DLG2: variants seen among roughly 807,000 people sequenced by gnomAD.
DLG2 encodes the protein discs large MAGUK scaffold protein 2.
In DLG2, 45 loss-of-function variants were observed where a neutral mutation model predicts 132.5. The ratio of observed to expected loss-of-function variants is 0.34; its 90% CI spans 0.27 to 0.44. The LOEUF is 0.44. Ranked by LOEUF, DLG2 falls within the 20% of genes least tolerant of loss-of-function variation. DLG2 has a pLI of 1.00. For missense variants in DLG2, 1,045 were observed against 1,196.9 expected (o/e 0.87, Z 1.87); for synonymous variants, 424 against 419.6 (o/e 1.01, Z -0.13).
At chr11:83,927,897 A>T (rs1280106307) in intron 15 of DLG2, among the ~76,000 whole-genome samples, 1 of 148,690 alleles carries the variant, frequency 6.7e-6, no homozygotes, top group African/African-American at 2.6e-5. Context: ...TGAATGGCAG[A>T]TATGAGGGAA....
intron 6 of DLG2, among the ~76,000 whole-genome samples, chr11:84,844,125 G>GTATATATATATATATA (rs2081130035): frequency 2.9e-5 from 1 of 34,434 alleles, no homozygotes; most frequent in African/African-American, 9.8e-5. Context: ...GTGTGTGTGT[G>GTATATATATATATATA]TGTGTGTGTG....
rs191923410 is a variant in DLG2, at chr11:84,231,194, C to T, written c.573+20044G>A. On this transcript the variant is annotated intron_variant, in intron 8 of 27. Coordinates refer to ENST00000376104, the MANE Select transcript of DLG2 (RefSeq NM_001142699.3). The stretch of plus-strand genomic sequence containing the variant: ...TCCTGAAATGTAATATAATGGTTGG[C>T]GCTACAGCAGCTATTTGAACCATTA... Among the ~76,000 whole-genome samples the T allele has an allele frequency of 9.2e-5, 14 of 152,206 alleles. No individual in the cohort carries two copies. The East Asian group carries it at 1.4e-3, about 15-fold the overall frequency.
chr11:84,275,859 G>A (rs187173274), intron 7 of DLG2, among the ~76,000 whole-genome samples: 133 of 152,230 alleles, frequency 8.7e-4, no homozygotes, highest in Admixed American at 1.4e-3. Flanking sequence ...TGGACATTAG[G>A]GCAGGCTCAT....
intron 6 of DLG2, among the ~76,000 whole-genome samples, chr11:84,715,550 A>G (rs1365070064): frequency 6.6e-6 from 1 of 152,014 alleles, no homozygotes; most frequent in African/African-American, 2.4e-5. Flanking sequence ...CCAATCTCCC[A>G]TAACCACCAT....
At chr11:85,017,905 T>C (rs896393242) in intron 6 of DLG2, among the ~76,000 whole-genome samples, 2 of 152,070 alleles carry the variant, frequency 1.3e-5, no homozygotes, top group East Asian at 1.9e-4. Context: ...TGCAAGGCTT[T>C]CTCAGTTATC....
At chr11:83,894,441 G>C (rs933072422) in intron 15 of DLG2, among the ~76,000 whole-genome samples, 2 of 151,976 alleles carry the variant, frequency 1.3e-5, no homozygotes, top group African/African-American at 4.8e-5. Context: ...AAACAAAAAA[G>C]GAAACAAAAA....
intron 6 of DLG2, among the ~76,000 whole-genome samples, chr11:85,088,644 T>A (rs988020866): frequency 1.3e-5 from 2 of 152,218 alleles, no homozygotes; most frequent in Middle Eastern, 3.2e-3. Flanking sequence ...TACTTCTGTA[T>A]TTTATTATAT....
At chr11:85,324,215 A>C (rs2081280775) in intron 3 of DLG2, among the ~76,000 whole-genome samples, 3 of 152,160 alleles carry the variant, frequency 2.0e-5, no homozygotes, top group Non-Finnish European at 4.4e-5. Flanking sequence ...AGTTCACCAG[A>C]ATTCCTGTCT....
intron 6 of DLG2, among the ~76,000 whole-genome samples, chr11:84,744,528 G>A (rs958493280): frequency 2.0e-5 from 3 of 152,126 alleles, no homozygotes; most frequent in African/African-American, 2.4e-5. Flanking sequence ...GGAATTTACC[G>A]TTCTGTGTCC....
chr11:83,740,529 A>G (rs2092419977), intron 18 of DLG2, among the ~76,000 whole-genome samples: 1 of 152,190 alleles, frequency 6.6e-6, no homozygotes, highest in East Asian at 1.9e-4. Context: ...GAGAAGTACA[A>G]AGAAGCATTG....
chr11:84,372,669 A>T (rs2098711152), intron 7 of DLG2, among the ~76,000 whole-genome samples: 2 of 152,180 alleles, frequency 1.3e-5, no homozygotes, highest in Admixed American at 6.5e-5. Flanking sequence ...ATAAATATAC[A>T]TTTCTCTAAA....
rs537624861 is a variant in DLG2 at position 85,140,124 on chromosome 11, C to T, written c.282+14432G>A. On this transcript the variant is annotated intron_variant, in intron 5 of 27. Coordinates refer to ENST00000376104, the MANE Select transcript of DLG2 (RefSeq NM_001142699.3). ...TGTGAATAATACCGCAAAGGTCATA[C>T]GAGTGCAAATATTTTTACAAGATTG... 7.8e-4 allele frequency among the ~76,000 whole-genome samples: 119 copies of T among 152,036 alleles called. 1 individual carries two copies. The highest frequency in any genetic ancestry group is 2.6e-3 in the African/African-American group (107 of 41,494).
chr11:84,777,305 A>ATATATATATATATATATTTT (rs2070801911), intron 6 of DLG2, among the ~76,000 whole-genome samples: 3 of 133,514 alleles, frequency 2.2e-5, no homozygotes, highest in African/African-American at 8.2e-5. Context: ...ATATATATAT[A>ATATATATATATATATATTTT]TATATATATA....
intron 18 of DLG2, among the ~76,000 whole-genome samples, chr11:83,740,235 TA>T (rs1188161047): frequency 2.0e-5 from 3 of 152,148 alleles, no homozygotes; most frequent in Non-Finnish European, 2.9e-5. Context: ...TAATAATAGT[TA>T]AGTACAGAAA....
At chr11:85,288,394 G>A (rs1295468358) in intron 3 of DLG2, among the ~76,000 whole-genome samples, 1 of 151,870 alleles carries the variant, frequency 6.6e-6, no homozygotes, top group Non-Finnish European at 1.5e-5. Context: ...TAACATACGG[G>A]CTGGTAGGTT....
intron 18 of DLG2, among the ~76,000 whole-genome samples, chr11:83,668,706 C>CATATGTATGTGT (rs1566431403): frequency 1.6e-4 from 2 of 12,806 alleles, no homozygotes; most frequent in African/African-American, 6.0e-4. Flanking sequence ...TATATAAACA[C>CATATGTATGTGT]ATATATATGT....
At chr11:84,113,056 C>T (rs1339306242) in intron 9 of DLG2, among the ~76,000 whole-genome samples, 1 of 152,134 alleles carries the variant, frequency 6.6e-6, no homozygotes, top group East Asian at 1.9e-4. Flanking sequence ...GGTACAAAAG[C>T]AATGGAGATA....
chr11:85,102,965 A>C (rs1187321693), intron 6 of DLG2, among the ~76,000 whole-genome samples: 1 of 152,000 alleles, frequency 6.6e-6, no homozygotes, highest in Non-Finnish European at 1.5e-5. Context: ...TTTTACTTCT[A>C]TACACTAGAA....
intron 3 of DLG2, among the ~76,000 whole-genome samples, chr11:85,584,396 A>G (rs967030990): frequency 1.7e-4 from 25 of 148,538 alleles, no homozygotes; most frequent in African/African-American, 6.2e-4. Context: ...CATTTTCTTT[A>G]TCCACTCGTT....
Sources: gnomAD v4.1 joint callset for allele counts (sites outside exome capture counted in the v4.1 genomes callset) on GRCh38, gnomAD v4.1.1 for gene constraint, MANE v1.5 for transcripts, NCBI Gene and HGNC (gene_info 2026-07-23, HGNC 2026-07-21) for gene names.